CUBN: variants seen among roughly 807,000 people sequenced by gnomAD.
CUBN encodes the protein cubilin.
CUBN carries 282 observed loss-of-function variants against 405.3 expected under a neutral mutation model. The observed-to-expected ratio is 0.70, with a 90% CI of 0.63 to 0.77. The LOEUF (loss-of-function observed/expected upper bound fraction) is 0.77. CUBN is among the 30% of genes least tolerant of loss of function. The pLI, the probability that CUBN is intolerant of heterozygous loss-of-function variation, is 0.00. For synonymous variants in CUBN, 1,684 were observed against 1,617.0 expected (o/e 1.04, Z -0.99); for missense variants, 4,514 against 4,475.2 (o/e 1.01, Z -0.25).
intron 50 of CUBN, among the ~76,000 whole-genome samples, chr10:16,905,060 C>T (rs1841518913): frequency 6.6e-6 from 1 of 152,184 alleles, no homozygotes; most frequent in Admixed American, 6.5e-5. Context: ...ATTGACCTCT[C>T]AGTTTCCCAA....
chr10:16,865,119 C>A (rs112960469), intron 59 of CUBN, among the ~76,000 whole-genome samples: 2 of 151,838 alleles, frequency 1.3e-5, no homozygotes, highest in African/African-American at 4.8e-5. Context: ...TAAGCATGCA[C>A]CACCATGCCT....
chr10:16,962,070 T>A (rs1378888094), intron 31 of CUBN, among the ~76,000 whole-genome samples: 4 of 152,138 alleles, frequency 2.6e-5, no homozygotes, highest in Non-Finnish European at 5.9e-5. Flanking sequence ...ATGAGTATAG[T>A]AGGGGAGGTG....
intron 22 of CUBN, among the ~76,000 whole-genome samples, chr10:17,049,217 C>T (rs1408560290): frequency 6.6e-6 from 1 of 152,074 alleles, no homozygotes; most frequent in African/African-American, 2.4e-5. Flanking sequence ...ATATTTCAGA[C>T]CCAGTAATGA....
rs142954794 is a variant in CUBN, at chr10:16,898,639, C to A, written c.8598+357G>T. 4.3e-3 allele frequency among the ~76,000 whole-genome samples: 651 copies of A among 152,260 alleles called. 3 individuals carry two copies. The highest frequency in any genetic ancestry group is 0.014 in the African/African-American group (568 of 41,556). On this transcript the variant is annotated intron_variant, in intron 54 of 66. Coordinates refer to ENST00000377833, the MANE Select transcript of CUBN (RefSeq NM_001081.4). ...TGCTCTCCTGATGCCCCATTCCCAT[C>A]ATTTTTACATGGCTTTCTCACGGTT...
chr10:16,861,512 T>C (rs1307866043), intron 59 of CUBN, among the ~76,000 whole-genome samples: 1 of 152,114 alleles, frequency 6.6e-6, no homozygotes, highest in African/African-American at 2.4e-5. Context: ...AGCTAAAAAT[T>C]CTCGCATGTG....
intron 35 of CUBN, 88 bp downstream of exon 35, chr10:16,948,390 A>T (rs1452878891): frequency 6.3e-7 from 1 of 1,583,658 alleles, no homozygotes; most frequent in Non-Finnish European, 8.6e-7. Context: ...CTGGCTCCCA[A>T]CTACGAAGGT....
chr10:17,129,199 A>G lies in CUBN; in HGVS notation c.174T>C (p.Ala58=). ...RGNLVFLTGS[A]QNIEFRTGSL... is the part of the protein sequence containing the mutation. ...ATCCGGTTCTAAACTCAATGTTTTGAGCAGACCCCGTAAGAAACACCAAAT... is the reference window on the plus strand; with the variant it reads ...ATCCGGTTCTAAACTCAATGTTTTGGGCAGACCCCGTAAGAAACACCAAAT... The change falls in exon 2 of 67, where the codon GCT becomes GCC. Residue 58 remains alanine, a synonymous_variant. Transcript: ENST00000377833. The G allele has an allele frequency of 6.2e-7, 1 of 1,613,774 alleles. No individual in the cohort carries two copies. The highest frequency in any genetic ancestry group is 8.5e-7 in the Non-Finnish European group (1 of 1,179,670).
At chr10:17,074,176 C>A (rs548593305) in intron 17 of CUBN, among the ~76,000 whole-genome samples, 1 of 152,276 alleles carries the variant, frequency 6.6e-6, no homozygotes, top group Non-Finnish European at 1.5e-5. Context: ...TCACTGCTCA[C>A]AAGGAACTTA....
At chr10:17,009,273 C>A (rs1013252684) in intron 28 of CUBN, among the ~76,000 whole-genome samples, 1 of 152,212 alleles carries the variant, frequency 6.6e-6, no homozygotes, top group African/African-American at 2.4e-5. Flanking sequence ...ATAACTCTGG[C>A]TCCAAGTTTC....
At chr10:16,855,030 TTCTCTCTA>T (rs1023021947) in intron 59 of CUBN, among the ~76,000 whole-genome samples, 4 of 135,356 alleles carry the variant, frequency 3.0e-5, no homozygotes, top group Admixed American at 2.9e-4. Context: ...CTCTCTCTCT[TTCTCTCTA>T]TCTCTCTTCC....
intron 14 of CUBN, among the ~76,000 whole-genome samples, chr10:17,093,951 T>A (rs1195784850): frequency 2.0e-5 from 3 of 152,206 alleles, no homozygotes; most frequent in African/African-American, 7.2e-5. Context: ...TATGTGTAAT[T>A]TGAGTCTCAG....
chr10:16,836,509 G>T, intron 62 of CUBN, 127 bp from the exon 63 acceptor site: 1 of 919,128 alleles, frequency 1.1e-6, no homozygotes, highest in Non-Finnish European at 1.7e-6. Context: ...TCTGCTGTTG[G>T]AAGTGCTCTG....
intron 21 of CUBN, among the ~76,000 whole-genome samples, chr10:17,066,099 A>T (rs1031050133): frequency 8.5e-5 from 13 of 152,158 alleles, no homozygotes; most frequent in African/African-American, 3.1e-4. Context: ...AGTTGTTTTG[A>T]GAATGTGATG....
chr10:16,898,392 GA>G (rs1280882792), intron 54 of CUBN, among the ~76,000 whole-genome samples: 2 of 152,256 alleles, frequency 1.3e-5, no homozygotes, highest in African/African-American at 4.8e-5. Context: ...GACATGAATG[GA>G]GGGGCTAACG....
In CUBN at chr10:16,890,475, C is replaced by A; in HGVS notation, c.8651G>T (p.Gly2884Val). The A allele has an allele frequency of 6.2e-7, 1 of 1,614,138 alleles. No individual in the cohort carries two copies. The highest frequency in any genetic ancestry group is 8.5e-7 in the Non-Finnish European group (1 of 1,179,994). ...GATAACGGGACCCGGAGCCACGTTC[C>A]CACAGCCAGTGGCTAGCAGGGCTTT... ...VDKALLATGC[G>V]NVAPGPVITP... Residue 2884 changes from glycine to valine, a missense_variant, in exon 55 of 67, where the codon GGG (glycine) becomes GTG (valine). Around this residue, in one of 5 missense-constraint regions of CUBN, gnomAD observed 1,186 missense variants for 1,186.9 expected, o/e 1.00. Transcript: ENST00000377833.
In CUBN at chr10:16,835,131, G is replaced by A. The variant is rs147730705; in HGVS notation, c.10245C>T (p.Tyr3415=). The A allele has an allele frequency of 2.0e-4, 318 of 1,614,078 alleles. 3 individuals are homozygous for A. In the African/African-American group the frequency reaches 2.5e-3, roughly 13 times the overall value. Residue 3415 remains tyrosine, a synonymous_variant, in exon 64 of 67, where the codon TAC becomes TAT. Coordinates refer to ENST00000377833, the MANE Select transcript of CUBN (RefSeq NM_001081.4). ...NLRSPGWPDN[Y]DNDKDCTVTL... is the part of the protein sequence containing the mutation. The stretch of plus-strand genomic sequence containing the variant: ...TAACGGTGCAATCCTTGTCATTGTC[G>A]TAGTTATCTGGCCATCCAGGGCTTC...
chr10:17,049,851 C>A lies in CUBN; in HGVS notation c.3140-2248G>T, dbSNP rs1835223631. ...GCATAATAAAATTTTATGCAAATAGCAATTTGAACCCCAAACATATTTTGT... is the reference window on the plus strand; with the variant it reads ...GCATAATAAAATTTTATGCAAATAGAAATTTGAACCCCAAACATATTTTGT... On this transcript the variant is annotated intron_variant, in intron 22 of 66. Transcript: ENST00000377833. Among the ~76,000 whole-genome samples, 6 of 152,104 alleles carry A rather than the reference C, an allele frequency of 3.9e-5. 1 individual carries two copies. The South Asian group carries it at 1.2e-3, about 32-fold the overall frequency.
intron 48 of CUBN, among the ~76,000 whole-genome samples, chr10:16,913,127 G>A (rs1442947343): frequency 6.6e-6 from 1 of 152,106 alleles, no homozygotes; most frequent in African/African-American, 2.4e-5. Context: ...CAAGATTTTT[G>A]ACCCAAGCAA....
At chr10:17,006,476 C>T (rs1396888285) in intron 28 of CUBN, among the ~76,000 whole-genome samples, 3 of 152,094 alleles carry the variant, frequency 2.0e-5, no homozygotes, top group Admixed American at 6.5e-5. Context: ...TCCCAGAAAT[C>T]GTACTACATG....
Sources: allele counts gnomAD v4.1 joint callset (sites outside exome capture counted in the v4.1 genomes callset), GRCh38; gene constraint gnomAD v4.1.1; regional missense constraint gnomAD v4.1.1; transcripts MANE v1.5; gene names NCBI Gene and HGNC (gene_info 2026-07-23, HGNC 2026-07-21).